RBFOX1: variants seen among roughly 807,000 people sequenced by gnomAD.
RBFOX1 encodes RNA binding fox-1 homolog 1.
Under a neutral mutation model 57.7 loss-of-function variants are expected in RBFOX1, and 8 were observed. That is an observed-to-expected ratio of 0.14 (90% CI 0.08 to 0.25). The LOEUF (loss-of-function observed/expected upper bound fraction) is 0.25. RBFOX1 is among the 10% of genes least tolerant of loss of function. RBFOX1 has a pLI of 1.00. For missense variants in RBFOX1, 611 were observed against 548.5 expected (o/e 1.11, Z -1.14); for synonymous variants, 326 against 222.4 (o/e 1.47, Z -4.15).
intron 1 of RBFOX1, among the ~76,000 whole-genome samples, chr16:6,116,085 C>A (rs113225846): frequency 0.013 from 1,990 of 152,232 alleles, 40 homozygotes; most frequent in African/African-American, 0.046. Flanking sequence ...GAATGCTATG[C>A]AGCCATAAAA....
chr16:6,348,557 A>G (rs1376913838), intron 2 of RBFOX1, among the ~76,000 whole-genome samples: 1 of 152,160 alleles, frequency 6.6e-6, no homozygotes, highest in Non-Finnish European at 1.5e-5. Flanking sequence ...TAATTGGATC[A>G]TGGTTCTGCA....
chr16:6,879,947 T>C (rs2062594732), intron 3 of RBFOX1, among the ~76,000 whole-genome samples: 1 of 152,220 alleles, frequency 6.6e-6, no homozygotes, highest in African/African-American at 2.4e-5. Flanking sequence ...TCATTTCTTC[T>C]ATCTGTTCAG....
rs138504534 is a variant in RBFOX1 at position 5,379,054 on chromosome 16, T to A, written c.220-88162T>A. On this transcript the variant is annotated intron_variant, in intron 1 of 2. Transcript: ENST00000585867. ...AGGTTGGCACAAAAGTAATTGCAGT[T>A]TTTGGCATTAAAAGTAATGGCAAAA... 4.4e-3 allele frequency among the ~76,000 whole-genome samples: 666 copies of A among 151,510 alleles called. 10 individuals are homozygous for A. The highest frequency in any genetic ancestry group is 7.4e-3 in the Non-Finnish European group (503 of 68,008).
intron 4 of RBFOX1, among the ~76,000 whole-genome samples, chr16:7,101,514 A>G (rs183561509): frequency 1.3e-5 from 2 of 152,260 alleles, no homozygotes; most frequent in East Asian, 3.9e-4. Context: ...CGGCTGTACC[A>G]AAGTGTATCC....
intron 1 of RBFOX1, among the ~76,000 whole-genome samples, chr16:6,189,540 G>A (rs747955798): frequency 2.0e-5 from 3 of 152,302 alleles, no homozygotes; most frequent in South Asian, 2.1e-4. Context: ...GCTTAGGTGC[G>A]GGAGCACTCA....
At chr16:7,357,890 C>T (rs1212453109) in intron 4 of RBFOX1, among the ~76,000 whole-genome samples, 1 of 152,008 alleles carries the variant, frequency 6.6e-6, no homozygotes, top group Non-Finnish European at 1.5e-5. Context: ...GTTTTGGTTC[C>T]TCTTTAATTT....
chr16:5,983,282 ACTTGAGTC>A (rs2060210557), intron 4 of RBFOX1, among the ~76,000 whole-genome samples: 1 of 152,200 alleles, frequency 6.6e-6, no homozygotes, highest in Admixed American at 6.5e-5. Context: ...GGAGGGTGGC[ACTTGAGTC>A]GTTTTAAAAG....
chr16:5,628,043 T>C lies in RBFOX1; in HGVS notation c.318+29082T>C, dbSNP rs547288974. 5.8e-4 allele frequency among the ~76,000 whole-genome samples: 88 copies of C among 152,290 alleles called. 1 individual carries two copies. Among genetic ancestry groups the C allele is most frequent in the Admixed American group, 4.8e-3 (73 of 15,302 alleles). On this transcript the variant is annotated intron_variant, in intron 3 of 19. Coordinates refer to the RBFOX1 transcript ENST00000641259. ...ATCAGAGAGAGGAATTCCTTATATT[T>C]TGAATATTAAGTAAAGTAGTATAAG...
chr16:7,321,768 C>T (rs2096548271), intron 4 of RBFOX1, among the ~76,000 whole-genome samples: 1 of 152,222 alleles, frequency 6.6e-6, no homozygotes. Flanking sequence ...AATGAGGTCA[C>T]TCAGAGTGGT....
At chr16:5,812,098 A>C (rs1214862387) in intron 3 of RBFOX1, among the ~76,000 whole-genome samples, 1 of 152,180 alleles carries the variant, frequency 6.6e-6, no homozygotes, top group Non-Finnish European at 1.5e-5. Flanking sequence ...AGGTTCACCC[A>C]CACTGTCCCA....
At chr16:7,216,018 C>G (rs1274316646) in intron 4 of RBFOX1, among the ~76,000 whole-genome samples, 1 of 152,174 alleles carries the variant, frequency 6.6e-6, no homozygotes, top group African/African-American at 2.4e-5. Flanking sequence ...CCACCGCGCC[C>G]AGCCTGGATG....
At chr16:7,051,917 C>G (rs2050217341) in intron 3 of RBFOX1, 140 bp from the exon 4 acceptor site, 1 of 1,325,322 alleles carries the variant, frequency 7.5e-7, no homozygotes, top group Non-Finnish European at 1.0e-6. Context: ...CTATGTAGAC[C>G]TAAAGAAAAA....
chr16:6,036,860 A>G (rs908880348), intron 1 of RBFOX1, among the ~76,000 whole-genome samples: 1 of 152,212 alleles, frequency 6.6e-6, no homozygotes, highest in Non-Finnish European at 1.5e-5. Flanking sequence ...GCTATATGGG[A>G]CACACAAAAA....
At chr16:6,905,406 A>T (rs2069599434) in intron 3 of RBFOX1, among the ~76,000 whole-genome samples, 2 of 152,180 alleles carry the variant, frequency 1.3e-5, no homozygotes, top group South Asian at 4.2e-4. Flanking sequence ...TACAAAAATT[A>T]ACTGAGCATG....
At chr16:7,361,235 C>T (rs1036670191) in intron 4 of RBFOX1, among the ~76,000 whole-genome samples, 6 of 152,156 alleles carry the variant, frequency 3.9e-5, no homozygotes, top group Admixed American at 1.3e-4. Context: ...GCTCTGAAGG[C>T]CTGTTTGTGT....
intron 1 of RBFOX1, among the ~76,000 whole-genome samples, chr16:6,237,242 CTGT>C: frequency 6.6e-6 from 1 of 152,276 alleles, no homozygotes; most frequent in Non-Finnish European, 1.5e-5. Context: ...AAGCAGAAGG[CTGT>C]TGTTCTGGAA....
At chr16:5,894,595 G>C (rs1368078418) in intron 4 of RBFOX1, among the ~76,000 whole-genome samples, 1 of 152,092 alleles carries the variant, frequency 6.6e-6, no homozygotes, top group Non-Finnish European at 1.5e-5. Flanking sequence ...TTTTAAAGGA[G>C]TAGACAATTA....
intron 4 of RBFOX1, among the ~76,000 whole-genome samples, chr16:7,285,909 A>G (rs1033051642): frequency 2.0e-5 from 3 of 152,258 alleles, no homozygotes; most frequent in Non-Finnish European, 2.9e-5. Flanking sequence ...AAGAAAGAAC[A>G]TGCTGGGACA....
chr16:6,314,198 C>A (rs1004341069), intron 1 of RBFOX1, among the ~76,000 whole-genome samples: 3 of 152,136 alleles, frequency 2.0e-5, no homozygotes, highest in African/African-American at 7.2e-5. Flanking sequence ...GGTGCTGTAA[C>A]CCTCTGGGGC....
Sources: allele counts gnomAD v4.1 joint callset (sites outside exome capture counted in the v4.1 genomes callset), GRCh38; gene constraint gnomAD v4.1.1; transcripts MANE v1.5; gene names NCBI Gene and HGNC (gene_info 2026-07-23, HGNC 2026-07-21).